The following DLGAP2 variants were observed in gnomAD, a reference collection of about 807,000 sequenced individuals.
DLGAP2 encodes the protein disks large-associated protein 2.
Under a neutral mutation model 100.3 loss-of-function variants are expected in DLGAP2, and 26 were observed. That is an observed-to-expected ratio of 0.26 (90% CI 0.19 to 0.36). DLGAP2 has a LOEUF of 0.36. Ranked by LOEUF, DLGAP2 falls within the 10% of genes least tolerant of loss-of-function variation. The pLI, the probability that DLGAP2 is intolerant of heterozygous loss-of-function variation, is 1.00. For missense variants in DLGAP2, 1,858 were observed against 1,453.2 expected, an observed-to-expected ratio of 1.28 and a Z score of -4.53; for synonymous variants, 886 against 630.1, an observed-to-expected ratio of 1.41 and a Z score of -6.08.
intron 2 of DLGAP2, among the ~76,000 whole-genome samples, chr8:1,235,552 GCCATGTCTAGTTCTCTCACATGGCA>G (rs1421124263): frequency 0.044 from 602 of 13,578 alleles, 87 homozygotes; most frequent in African/African-American, 0.093. Context: ...CTCACATGGC[GCCATGTCTAGTTCTCTCACATGGCA>G]CCATGTCTAG....
At chr8:1,213,640 C>T (rs903020553) in intron 2 of DLGAP2, among the ~76,000 whole-genome samples, 2 of 152,262 alleles carry the variant, frequency 1.3e-5, no homozygotes, top group Non-Finnish European at 2.9e-5. Flanking sequence ...TAGGGAGCTT[C>T]CCGTCTTTCT....
chr8:1,376,121 C>T (rs1460991038), intron 3 of DLGAP2, among the ~76,000 whole-genome samples: 2 of 150,838 alleles, frequency 1.3e-5, no homozygotes, highest in African/African-American at 2.5e-5. Context: ...GACCTCAGAA[C>T]TGAGCCCCCA....
chr8:1,520,858 T>G (rs910088745), intron 4 of DLGAP2, among the ~76,000 whole-genome samples: 2 of 152,186 alleles, frequency 1.3e-5, no homozygotes, highest in Non-Finnish European at 2.9e-5. Context: ...GTTTTGAGCT[T>G]CTTTGGGTGA....
intron 3 of DLGAP2, among the ~76,000 whole-genome samples, chr8:1,440,113 G>T (rs1797784367): frequency 6.6e-6 from 1 of 152,088 alleles, no homozygotes; most frequent in African/African-American, 2.4e-5. Context: ...AGAAATGTGA[G>T]ATTTTACTCC....
At position 913,168 on chromosome 8, in the gene DLGAP2, T is replaced by G. The variant is rs57572864; in HGVS notation, c.73+5202T>G. On this transcript the variant is annotated intron_variant, in intron 2 of 14. Coordinates refer to ENST00000637795, the MANE Select transcript of DLGAP2 (RefSeq NM_001346810.2). ...TTGGAAGCCTACAGGTTGGCAGACCTAATTATACTTTATTAATGTTTCTGC... is the reference window on the plus strand; with the variant it reads ...TTGGAAGCCTACAGGTTGGCAGACCGAATTATACTTTATTAATGTTTCTGC... 8.8e-3 allele frequency among the ~76,000 whole-genome samples: 1,333 copies of G among 152,326 alleles called. 21 individuals are homozygous for G. Among genetic ancestry groups the G allele is most frequent in the African/African-American group, 0.031 (1,272 of 41,560 alleles).
intron 6 of DLGAP2, among the ~76,000 whole-genome samples, chr8:1,609,359 C>T (rs1484717764): frequency 7.4e-6 from 1 of 135,044 alleles, no homozygotes; most frequent in Non-Finnish European, 1.6e-5. Flanking sequence ...TTGTCACCAC[C>T]AGGCCTGCCC....
chr8:1,250,387 GAC>G (rs1799012501), intron 2 of DLGAP2: 1 of 152,254 alleles, frequency 6.6e-6, no homozygotes, highest in South Asian at 2.1e-4. Flanking sequence ...TCCCGAATGA[GAC>G]ATCCTGTGTT....
chr8:1,373,113 G>A (rs150613350), intron 3 of DLGAP2, among the ~76,000 whole-genome samples: 1,737 of 152,342 alleles, frequency 0.011, 37 homozygotes, highest in African/African-American at 0.039. Flanking sequence ...CCGTGCCTGG[G>A]GGGGCGCCAG....
intron 3 of DLGAP2, among the ~76,000 whole-genome samples, chr8:1,470,776 C>CCCCCCCAGGCTT (rs1563168457): frequency 2.1e-4 from 16 of 75,056 alleles, no homozygotes; most frequent in Non-Finnish European, 4.6e-4. Context: ...CCTTTCCCGA[C>CCCCCCCAGGCTT]TCCCCCAGCC....
At chr8:1,671,722 C>A (rs1332919589) in intron 10 of DLGAP2, among the ~76,000 whole-genome samples, 1 of 152,248 alleles carries the variant, frequency 6.6e-6, no homozygotes, top group Non-Finnish European at 1.5e-5. Flanking sequence ...CAGCTTAGAG[C>A]AGAAGCCAGC....
intron 3 of DLGAP2, among the ~76,000 whole-genome samples, chr8:1,433,141 C>T (rs1797505323): frequency 6.6e-6 from 1 of 152,172 alleles, no homozygotes; most frequent in Non-Finnish European, 1.5e-5. Flanking sequence ...GGGAGGAAGC[C>T]CCCGCCATGA....
intron 3 of DLGAP2, among the ~76,000 whole-genome samples, chr8:1,363,470 C>T (rs1365033979): frequency 6.6e-6 from 1 of 152,354 alleles, no homozygotes; most frequent in South Asian, 2.1e-4. Context: ...GTTTCCTCCA[C>T]CACCCAGTGA....
At chr8:739,008 G>T in intron 1 of DLGAP2, 1 of 159,952 alleles carries the variant, frequency 6.3e-6, no homozygotes. Context: ...CGCCGCCGCC[G>T]CCGCCGGTGA....
At chr8:1,440,029 A>G (rs1217001954) in intron 3 of DLGAP2, among the ~76,000 whole-genome samples, 1 of 152,196 alleles carries the variant, frequency 6.6e-6, no homozygotes, top group Non-Finnish European at 1.5e-5. Context: ...GGATGTAAAG[A>G]TACAGATGTG....
chr8:1,181,664 C>G (rs1364467495), intron 2 of DLGAP2, among the ~76,000 whole-genome samples: 1 of 152,128 alleles, frequency 6.6e-6, no homozygotes, highest in Admixed American at 6.5e-5. Flanking sequence ...AACAAACCTG[C>G]CCATTTACCC....
At chr8:884,941 T>C (rs1176910901) in intron 1 of DLGAP2, among the ~76,000 whole-genome samples, 1 of 152,202 alleles carries the variant, frequency 6.6e-6, no homozygotes, top group Non-Finnish European at 1.5e-5. Context: ...CAGATGGTTG[T>C]AGATGTGTGG....
intron 3 of DLGAP2, among the ~76,000 whole-genome samples, chr8:1,344,410 G>A (rs560337527): frequency 6.6e-6 from 1 of 152,324 alleles, no homozygotes; most frequent in African/African-American, 2.4e-5. Flanking sequence ...CTTTCTCTGA[G>A]CAGCTGCTCT....
intron 3 of DLGAP2, among the ~76,000 whole-genome samples, chr8:1,484,658 G>C (rs1478736997): frequency 2.0e-5 from 3 of 152,246 alleles, no homozygotes; most frequent in African/African-American, 7.2e-5. Flanking sequence ...TCTGGTGAAA[G>C]TGGCTGAGGC....
intron 2 of DLGAP2, among the ~76,000 whole-genome samples, chr8:1,231,988 A>G (rs549315094): frequency 6.6e-6 from 1 of 152,336 alleles, no homozygotes; most frequent in South Asian, 2.1e-4. Flanking sequence ...TAAATCTTCA[A>G]AATAAAATAA....
Sources: gnomAD v4.1 joint callset for allele counts (sites outside exome capture counted in the v4.1 genomes callset) on GRCh38, gnomAD v4.1.1 for gene constraint, MANE v1.5 for transcripts, NCBI Gene and HGNC (gene_info 2026-07-23, HGNC 2026-07-21) for gene names.